ATG5: variants seen among roughly 807,000 people sequenced by gnomAD.
ATG5 encodes the protein autophagy protein 5.
In ATG5, 14 loss-of-function variants were observed where a neutral mutation model predicts 36.5. That is an observed-to-expected ratio of 0.38 (90% CI 0.25 to 0.60). ATG5 has a LOEUF of 0.60. ATG5 is among the 20% of genes least tolerant of loss of function. ATG5 has a pLI of 0.60. For missense variants in ATG5, 195 were observed against 326.7 expected (o/e 0.60, Z 3.11); for synonymous variants, 95 against 101.5 (o/e 0.94, Z 0.38).
intron 5 of ATG5, among the ~76,000 whole-genome samples, chr6:106,253,536 C>T (rs1382536406): frequency 6.6e-6 from 1 of 152,152 alleles, no homozygotes; most frequent in East Asian, 1.9e-4. Flanking sequence ...GTAAGTGCCA[C>T]AGTCTTAGAA....
rs141029675 is a variant in ATG5 at position 106,203,307 on chromosome 6, C to T, written c.574-1218G>A. Among the ~76,000 whole-genome samples, 329 of 152,174 alleles carry T rather than the reference C, an allele frequency of 2.2e-3. 2 individuals carry two copies. Among genetic ancestry groups the T allele is most frequent in the South Asian group, 0.014 (66 of 4,816 alleles). ...GCTTTATCATGACAGAGTACAGAGG[C>T]TCTGAAATGAGCCAGTGTCTATGAA... On this transcript the variant is annotated intron_variant, in intron 6 of 7. Coordinates refer to ENST00000369076, the MANE Select transcript of ATG5 (RefSeq NM_004849.4).
chr6:106,293,017 AT>A lies in ATG5; in HGVS notation c.315+10del. 1 of 1,605,810 alleles carries A rather than the reference AT, an allele frequency of 6.2e-7. No homozygotes were observed. Among genetic ancestry groups the A allele is most frequent in the Non-Finnish European group, 8.5e-7 (1 of 1,175,210 alleles). On this transcript the variant is annotated intron_variant, in intron 4 of 7. Transcript: ENST00000369076. ...ACAAATGGGACGAAGGAGAAATGCA[AT>A]TTACTATACCTTAAAATGTACTGTG...
At chr6:106,316,664 C>A (rs1336933059) in intron 1 of ATG5, among the ~76,000 whole-genome samples, 1 of 152,154 alleles carries the variant, frequency 6.6e-6, no homozygotes, top group East Asian at 1.9e-4. Flanking sequence ...TACCCCTGCC[C>A]CGTCCAATAT....
intron 2 of ATG5, among the ~76,000 whole-genome samples, chr6:106,315,111 G>C (rs1770790101): frequency 6.6e-6 from 1 of 152,208 alleles, no homozygotes; most frequent in South Asian, 2.1e-4. Flanking sequence ...CAAAAAGTGA[G>C]CGAATGGGCT....
chr6:106,205,088 A>C (rs1776581831), intron 6 of ATG5, among the ~76,000 whole-genome samples: 1 of 152,198 alleles, frequency 6.6e-6, no homozygotes, highest in Non-Finnish European at 1.5e-5. Context: ...TAGCAAAGGA[A>C]GTAATGTTGG....
intron 5 of ATG5, among the ~76,000 whole-genome samples, chr6:106,263,257 C>T (rs1485200503): frequency 6.6e-6 from 1 of 152,206 alleles, no homozygotes; most frequent in Admixed American, 6.5e-5. Context: ...TCACCACAGT[C>T]CAACAAAGTG....
intron 2 of ATG5, among the ~76,000 whole-genome samples, chr6:106,312,218 T>C (rs1770673204): frequency 6.6e-6 from 1 of 152,144 alleles, no homozygotes; most frequent in Non-Finnish European, 1.5e-5. Flanking sequence ...CTGAGGTCTC[T>C]GGAGTAAGTT....
At chr6:106,235,372 G>A (rs749618973) in intron 6 of ATG5, among the ~76,000 whole-genome samples, 1 of 152,054 alleles carries the variant, frequency 6.6e-6, no homozygotes, top group Non-Finnish European at 1.5e-5. Context: ...CCCCTCCCGA[G>A]GAAATCTCAA....
At chr6:106,282,836 G>A (rs1268925818) in intron 4 of ATG5, among the ~76,000 whole-genome samples, 1 of 151,834 alleles carries the variant, frequency 6.6e-6, no homozygotes, top group Non-Finnish European at 1.5e-5. Context: ...ACCCAGGCTG[G>A]AGCACAGTGG....
chr6:106,243,550 G>T (rs1224259295), intron 6 of ATG5, among the ~76,000 whole-genome samples: 1 of 147,614 alleles, frequency 6.8e-6, no homozygotes, highest in Non-Finnish European at 1.5e-5. Flanking sequence ...AAAAAAATAG[G>T]CTGGGCGCAG....
At chr6:106,207,691 G>T (rs1007573975) in intron 6 of ATG5, among the ~76,000 whole-genome samples, 1 of 152,184 alleles carries the variant, frequency 6.6e-6, no homozygotes, top group African/African-American at 2.4e-5. Flanking sequence ...GACAATGTAT[G>T]GACTTTAAGA....
chr6:106,283,176 A>G (rs941992928), intron 4 of ATG5, among the ~76,000 whole-genome samples: 4 of 152,020 alleles, frequency 2.6e-5, no homozygotes, highest in African/African-American at 9.7e-5. Context: ...ATCCTTTTTA[A>G]TTATTACGAG....
intron 1 of ATG5, among the ~76,000 whole-genome samples, chr6:106,318,623 C>A (rs1256196413): frequency 6.6e-6 from 1 of 152,070 alleles, no homozygotes; most frequent in East Asian, 1.9e-4. Context: ...ATATTTTTTG[C>A]AAGACCTCAA....
chr6:106,233,964 C>T (rs1777789016), intron 6 of ATG5, among the ~76,000 whole-genome samples: 1 of 152,068 alleles, frequency 6.6e-6, no homozygotes, highest in Admixed American at 6.5e-5. Flanking sequence ...ACTGCCCACA[C>T]CCATATGCCC....
intron 4 of ATG5, among the ~76,000 whole-genome samples, chr6:106,288,997 A>G (rs1780197752): frequency 6.6e-6 from 1 of 152,164 alleles, no homozygotes; most frequent in Non-Finnish European, 1.5e-5. Flanking sequence ...GCACAAAAAA[A>G]TCTAATCAAA....
At chr6:106,228,875 G>C (rs906261203) in intron 6 of ATG5, among the ~76,000 whole-genome samples, 8 of 152,022 alleles carry the variant, frequency 5.3e-5, no homozygotes, top group Admixed American at 2.0e-4. Flanking sequence ...TGGGAACCTT[G>C]GTCTGCCTGG....
intron 6 of ATG5, among the ~76,000 whole-genome samples, chr6:106,221,699 A>AAAAG (rs1185969022): frequency 1.4e-5 from 2 of 143,674 alleles, no homozygotes; most frequent in African/African-American, 5.2e-5. Flanking sequence ...AAAAAAAAAA[A>AAAAG]AAAGAAAGAA....
At chr6:106,213,080 A>G (rs920554687) in intron 6 of ATG5, among the ~76,000 whole-genome samples, 1 of 152,264 alleles carries the variant, frequency 6.6e-6, no homozygotes, top group Non-Finnish European at 1.5e-5. Context: ...TAGCCTGGAT[A>G]GAATTATCTT....
intron 6 of ATG5, among the ~76,000 whole-genome samples, chr6:106,236,724 A>G (rs934035764): frequency 1.3e-5 from 2 of 152,198 alleles, no homozygotes; most frequent in Non-Finnish European, 2.9e-5. Flanking sequence ...AATAAACTAC[A>G]GTCTTGGAAT....
Sources: allele counts gnomAD v4.1 joint callset (sites outside exome capture counted in the v4.1 genomes callset), GRCh38; gene constraint gnomAD v4.1.1; transcripts MANE v1.5; gene names NCBI Gene and HGNC (gene_info 2026-07-23, HGNC 2026-07-21).